STON1: variants seen among roughly 807,000 people sequenced by gnomAD.
STON1 encodes stonin-1.
STON1 carries 79 observed loss-of-function variants against 60.9 expected under a neutral mutation model. The ratio of observed to expected loss-of-function variants is 1.30; its 90% CI spans 1.08 to 1.56. The LOEUF (loss-of-function observed/expected upper bound fraction) is 1.56, where lower values mean the gene tolerates loss of function less well. Ranked by LOEUF, STON1 falls within the 40% of genes most tolerant of loss-of-function variation. The pLI is 0.00. For missense variants in STON1, 1,166 were observed against 858.9 expected, an observed-to-expected ratio of 1.36 and a Z score of -4.47; for synonymous variants, 363 against 306.9, an observed-to-expected ratio of 1.18 and a Z score of -1.91.
chr2:48,564,846 C>A (rs1270812891), intron 1 of STON1, among the ~76,000 whole-genome samples: 1 of 148,408 alleles, frequency 6.7e-6, no homozygotes, highest in Non-Finnish European at 1.5e-5. Context: ...GATTCTCCTG[C>A]CTCAGCCTCC....
chr2:48,570,602 A>G (rs1381422791), intron 1 of STON1, among the ~76,000 whole-genome samples: 2 of 152,170 alleles, frequency 1.3e-5, no homozygotes, highest in Non-Finnish European at 2.9e-5. Context: ...AAACCATTGT[A>G]TACTAGATCC....
chr2:48,561,231 CCCTGTCCTGTCTCTCCTG>C (rs1672597338), intron 1 of STON1, among the ~76,000 whole-genome samples: 1 of 152,236 alleles, frequency 6.6e-6, no homozygotes, highest in South Asian at 2.1e-4. Context: ...AAAACCAGCT[CCCTGTCCTGTCTCTCCTG>C]TGGCTCCACT....
intron 1 of STON1, among the ~76,000 whole-genome samples, chr2:48,565,067 T>TA (rs1672881342): frequency 8.1e-6 from 1 of 122,750 alleles, no homozygotes; most frequent in Non-Finnish European, 1.7e-5. Context: ...TTTTTTTTTT[T>TA]TATAAGAAGG....
chr2:48,579,029 G>A (rs1338592971), intron 1 of STON1, among the ~76,000 whole-genome samples: 1 of 151,066 alleles, frequency 6.6e-6, no homozygotes, highest in Admixed American at 6.6e-5. Context: ...TTGAGACAAA[G>A]TTTCGTTCTC....
chr2:48,570,392 G>C (rs776905902), intron 1 of STON1, among the ~76,000 whole-genome samples: 1 of 152,122 alleles, frequency 6.6e-6, no homozygotes, highest in Non-Finnish European at 1.5e-5. Context: ...GGGGTGGATT[G>C]TACAAACTGT....
chr2:48,537,799 G>A (rs1192415955), intron 1 of STON1, among the ~76,000 whole-genome samples: 1 of 148,362 alleles, frequency 6.7e-6, no homozygotes, highest in East Asian at 2.0e-4. Context: ...GCAGTGTGCT[G>A]AGATTGCACC....
chr2:48,538,869 C>T (rs114634136), intron 1 of STON1, among the ~76,000 whole-genome samples: 3,878 of 151,250 alleles, frequency 0.026, 91 homozygotes, highest in African/African-American at 0.059. Flanking sequence ...CCGCCTGCCG[C>T]GGCCTCCCAA....
chr2:48,577,273 C>T (rs1673569324), intron 1 of STON1, among the ~76,000 whole-genome samples: 1 of 151,496 alleles, frequency 6.6e-6, no homozygotes, highest in Non-Finnish European at 1.5e-5. Flanking sequence ...TTTTCCTCTG[C>T]ATTTTTTTCT....
At chr2:48,578,821 C>G (rs1368421605) in intron 1 of STON1, among the ~76,000 whole-genome samples, 5 of 151,818 alleles carry the variant, frequency 3.3e-5, no homozygotes, top group Admixed American at 6.6e-5. Flanking sequence ...TAACTCCTGA[C>G]CTCAAGTGAT....
intron 2 of STON1, among the ~76,000 whole-genome samples, chr2:48,587,428 G>T (rs1043590672): frequency 6.6e-6 from 1 of 152,164 alleles, no homozygotes; most frequent in Non-Finnish European, 1.5e-5. Flanking sequence ...AAGTAGCTGG[G>T]ACTACAGGTG....
At chr2:48,531,181 C>T (rs1408532374) in intron 1 of STON1, 1 of 152,188 alleles carries the variant, frequency 6.6e-6, no homozygotes, top group Non-Finnish European at 1.5e-5. Context: ...CGATTACAGC[C>T]TCCTCCAGGC....
chr2:48,589,873 T>A (rs906122588), intron 2 of STON1, among the ~76,000 whole-genome samples: 1 of 152,246 alleles, frequency 6.6e-6, no homozygotes, highest in East Asian at 1.9e-4. Flanking sequence ...AAATAATATG[T>A]CTGGCTCATC....
At chr2:48,544,538 C>T (rs556910632) in intron 1 of STON1, among the ~76,000 whole-genome samples, 21 of 151,914 alleles carry the variant, frequency 1.4e-4, no homozygotes, top group South Asian at 6.3e-4. Context: ...GGTTTGTTTT[C>T]GTTTTTTGTT....
chr2:48,539,969 A>C (rs778066385), intron 1 of STON1, among the ~76,000 whole-genome samples: 9 of 152,014 alleles, frequency 5.9e-5, no homozygotes, highest in Non-Finnish European at 1.2e-4. Context: ...CTAACAGCTC[A>C]TGGTGTAAGG....
chr2:48,588,576 T>C (rs1277827986), intron 2 of STON1, among the ~76,000 whole-genome samples: 1 of 152,150 alleles, frequency 6.6e-6, no homozygotes, highest in East Asian at 1.9e-4. Context: ...GTCTCGAACT[T>C]CTCAGCTCAG....
intron 1 of STON1, among the ~76,000 whole-genome samples, chr2:48,549,808 CTCAAAAAA>C (rs1360909749): frequency 1.6e-4 from 12 of 72,950 alleles, no homozygotes; most frequent in African/African-American, 5.3e-4. Flanking sequence ...GTGACTCCAT[CTCAAAAAA>C]AAAAAAAAAA....
intron 1 of STON1, among the ~76,000 whole-genome samples, chr2:48,578,335 T>G (rs1673642336): frequency 1.3e-5 from 2 of 152,240 alleles, no homozygotes; most frequent in Non-Finnish European, 2.9e-5. Context: ...TTGTCCAACG[T>G]GCAGCCCACA....
chr2:48,562,585 T>C (rs947650093), intron 1 of STON1, among the ~76,000 whole-genome samples: 1 of 152,244 alleles, frequency 6.6e-6, no homozygotes, highest in Non-Finnish European at 1.5e-5. Context: ...GAAGCAACAC[T>C]GCCTCAGAGA....
chr2:48,583,239 C>A (rs925098045), intron 2 of STON1, among the ~76,000 whole-genome samples: 2 of 152,140 alleles, frequency 1.3e-5, no homozygotes, highest in Non-Finnish European at 2.9e-5. Flanking sequence ...CAGATGCATA[C>A]CATCGTGCCT....
Sources: allele counts gnomAD v4.1 joint callset (sites outside exome capture counted in the v4.1 genomes callset), GRCh38; gene constraint gnomAD v4.1.1; transcripts MANE v1.5; gene names NCBI Gene and HGNC (gene_info 2026-07-23, HGNC 2026-07-21).